PDE4D: variants seen among roughly 807,000 people sequenced by gnomAD.
PDE4D encodes phosphodiesterase 4D.
Under a neutral mutation model 87.4 loss-of-function variants are expected in PDE4D, and 24 were observed. The observed-to-expected ratio is 0.27, with a 90% confidence interval of 0.20 to 0.39. The LOEUF (loss-of-function observed/expected upper bound fraction) is 0.39. PDE4D is among the 10% of genes least tolerant of loss of function. PDE4D has a pLI of 1.00. For missense variants in PDE4D, 714 were observed against 1,041.0 expected (o/e 0.69, Z 4.32); for synonymous variants, 384 against 383.2 (o/e 1.00, Z -0.02).
intron 1 of PDE4D, among the ~76,000 whole-genome samples, chr5:59,444,637 C>T (rs1056664183): frequency 6.6e-6 from 1 of 152,032 alleles, no homozygotes; most frequent in East Asian, 1.9e-4. Flanking sequence ...ACGGTGAAAC[C>T]CCGTCTCTAC....
chr5:59,557,717 T>C (rs566441758), intron 1 of PDE4D, among the ~76,000 whole-genome samples: 4 of 152,238 alleles, frequency 2.6e-5, no homozygotes, highest in Admixed American at 6.5e-5. Context: ...AATTAAAGAA[T>C]GAGCTAAAAT....
intron 2 of PDE4D, among the ~76,000 whole-genome samples, chr5:60,058,163 T>C (rs918600894): frequency 6.6e-6 from 1 of 151,950 alleles, no homozygotes; most frequent in Non-Finnish European, 1.5e-5. Context: ...TAACTTAAGT[T>C]TTGAGCATTT....
At chr5:59,271,498 C>T (rs1763842235) in intron 1 of PDE4D, among the ~76,000 whole-genome samples, 1 of 151,930 alleles carries the variant, frequency 6.6e-6, no homozygotes, top group African/African-American at 2.4e-5. Context: ...AATGTTATTC[C>T]ATCTTTTTGA....
chr5:60,201,513 A>G (rs1338688076), intron 1 of PDE4D, among the ~76,000 whole-genome samples: 2 of 152,152 alleles, frequency 1.3e-5, no homozygotes, highest in Non-Finnish European at 2.9e-5. Context: ...TGCAGTTCCG[A>G]TCTGAATTAT....
intron 1 of PDE4D, among the ~76,000 whole-genome samples, chr5:59,349,820 C>T (rs12187491): frequency 0.2 from 30,189 of 151,900 alleles, 3,183 homozygotes; most frequent in Middle Eastern, 0.27. Flanking sequence ...GGTCCGTAGC[C>T]TGCAGGCCAC....
chr5:60,482,061 T>C (rs1748769703), intron 1 of PDE4D, among the ~76,000 whole-genome samples: 1 of 152,178 alleles, frequency 6.6e-6, no homozygotes, highest in Non-Finnish European at 1.5e-5. Context: ...CGTCCCAAAA[T>C]TCATATGCTG....
chr5:60,047,727 G>A (rs994179917), intron 2 of PDE4D, among the ~76,000 whole-genome samples: 1 of 152,208 alleles, frequency 6.6e-6, no homozygotes, highest in Admixed American at 6.5e-5. Flanking sequence ...ACTGTGGTCT[G>A]AGAGATAGTT....
intron 2 of PDE4D, among the ~76,000 whole-genome samples, chr5:60,044,272 TAC>T (rs1768900016): frequency 1.3e-5 from 2 of 152,174 alleles, no homozygotes; most frequent in Non-Finnish European, 2.9e-5. Context: ...CATAGATATA[TAC>T]ACTTATTATG....
chr5:59,584,172 G>A (rs1412879645), intron 1 of PDE4D, among the ~76,000 whole-genome samples: 1 of 152,138 alleles, frequency 6.6e-6, no homozygotes, highest in African/African-American at 2.4e-5. Context: ...GGGAAAGAGG[G>A]TTTTCTGTCA....
At chr5:60,046,548 C>A (rs1300877432) in intron 2 of PDE4D, among the ~76,000 whole-genome samples, 3 of 152,094 alleles carry the variant, frequency 2.0e-5, no homozygotes, top group African/African-American at 7.2e-5. Flanking sequence ...CCCATCAATA[C>A]CTAATTTATT....
At chr5:60,516,053 G>A (rs1399219261) in intron 1 of PDE4D, among the ~76,000 whole-genome samples, 1 of 152,144 alleles carries the variant, frequency 6.6e-6, no homozygotes, top group Non-Finnish European at 1.5e-5. Context: ...CCACTGCCAG[G>A]TATTTCGCAG....
At chr5:59,091,129 T>C (rs1419685625) in intron 5 of PDE4D, 1 of 453,822 alleles carries the variant, frequency 2.2e-6, no homozygotes, top group African/African-American at 2.0e-5. Flanking sequence ...TAGAGCCCTG[T>C]CATTTGAAAA....
intron 1 of PDE4D, among the ~76,000 whole-genome samples, chr5:59,365,248 C>A (rs1217039019): frequency 2.0e-5 from 3 of 152,104 alleles, no homozygotes; most frequent in African/African-American, 7.2e-5. Flanking sequence ...CTCTTGAGCC[C>A]AGGAGTTGGA....
chr5:59,480,270 C>T (rs1804022438), intron 1 of PDE4D, among the ~76,000 whole-genome samples: 1 of 151,582 alleles, frequency 6.6e-6, no homozygotes, highest in Non-Finnish European at 1.5e-5. Context: ...GAATAGTTTA[C>T]ATTAGAATAA....
intron 1 of PDE4D, among the ~76,000 whole-genome samples, chr5:59,510,981 A>G (rs1490365271): frequency 6.6e-6 from 1 of 151,990 alleles, no homozygotes; most frequent in Non-Finnish European, 1.5e-5. Flanking sequence ...CTCATTTGTG[A>G]TGCAAGACAA....
chr5:59,342,354 A>T (rs1254739659), intron 1 of PDE4D, among the ~76,000 whole-genome samples: 1 of 152,100 alleles, frequency 6.6e-6, no homozygotes, highest in Non-Finnish European at 1.5e-5. Flanking sequence ...GGTGCCTCTG[A>T]TCTGTATCGT....
chr5:60,337,386 T>TACACACACACAC (rs1370710315), intron 1 of PDE4D, among the ~76,000 whole-genome samples: 30 of 92,116 alleles, frequency 3.3e-4, no homozygotes, highest in African/African-American at 1.0e-3. Flanking sequence ...TATATATATA[T>TACACACACACAC]ATACACACAC....
chr5:60,463,967 A>T (rs1747155026), intron 1 of PDE4D, among the ~76,000 whole-genome samples: 1 of 152,184 alleles, frequency 6.6e-6, no homozygotes, highest in African/African-American at 2.4e-5. Context: ...TTTAGTTTCT[A>T]ATCCAACAAT....
intron 1 of PDE4D, among the ~76,000 whole-genome samples, chr5:59,889,425 G>A (rs1750636158): frequency 6.6e-6 from 1 of 151,910 alleles, no homozygotes; most frequent in Non-Finnish European, 1.5e-5. Flanking sequence ...AGGCTACAGT[G>A]AGCTATGATT....
Sources: gnomAD v4.1 joint callset for allele counts (sites outside exome capture counted in the v4.1 genomes callset) on GRCh38, gnomAD v4.1.1 for gene constraint, MANE v1.5 for transcripts, NCBI Gene and HGNC (gene_info 2026-07-23, HGNC 2026-07-21) for gene names.